R3HCC1L: variants seen among roughly 807,000 people sequenced by gnomAD.
R3HCC1L encodes the protein coiled-coil domain-containing protein R3HCC1L.
In R3HCC1L, 51 loss-of-function variants were observed where a neutral mutation model predicts 59.9. The ratio of observed to expected loss-of-function variants is 0.85; its 90% confidence interval spans 0.68 to 1.07. The LOEUF is 1.07. R3HCC1L is among the 50% of genes least tolerant of loss of function. The pLI is 0.00. For missense variants in R3HCC1L, 965 were observed against 933.0 expected (o/e 1.03, Z -0.45); for synonymous variants, 322 against 315.2 (o/e 1.02, Z -0.23).
intron 5 of R3HCC1L, among the ~76,000 whole-genome samples, chr10:98,216,004 G>T (rs1854155603): frequency 6.6e-6 from 1 of 152,148 alleles, no homozygotes; most frequent in African/African-American, 2.4e-5. Context: ...CAGGTTGTGA[G>T]AACAGCTTGT....
chr10:98,182,737 C>T (rs1043120070), intron 4 of R3HCC1L, among the ~76,000 whole-genome samples: 5 of 152,160 alleles, frequency 3.3e-5, no homozygotes, highest in Middle Eastern at 3.2e-3. Context: ...CCTCAAGCCT[C>T]GGCAATGGTG....
chr10:98,199,240 A>G (rs1211039017), intron 4 of R3HCC1L, among the ~76,000 whole-genome samples: 2 of 152,036 alleles, frequency 1.3e-5, no homozygotes, highest in Non-Finnish European at 2.9e-5. Context: ...TCTTTCCAAC[A>G]TCGAGTAATT....
chr10:98,155,122 A>G (rs993231044), intron 1 of R3HCC1L, among the ~76,000 whole-genome samples: 1 of 152,030 alleles, frequency 6.6e-6, no homozygotes, highest in Non-Finnish European at 1.5e-5. Context: ...ATACTCTCCA[A>G]TTTGGTTGTT....
At chr10:98,169,353 A>T (rs984492628) in intron 4 of R3HCC1L, among the ~76,000 whole-genome samples, 1 of 152,232 alleles carries the variant, frequency 6.6e-6, no homozygotes, top group African/African-American at 2.4e-5. Flanking sequence ...ATCTTTAGTT[A>T]TTTAAGCTTC....
intron 4 of R3HCC1L, among the ~76,000 whole-genome samples, chr10:98,175,762 GA>G (rs1238179083): frequency 1.3e-5 from 2 of 152,134 alleles, no homozygotes; most frequent in African/African-American, 4.8e-5. Context: ...TTGAAGAGCA[GA>G]AGTTTGAATT....
At chr10:98,163,453 G>T (rs1590484873) in intron 4 of R3HCC1L, 56 bp downstream of exon 4, 4 of 1,087,036 alleles carry the variant, frequency 3.7e-6, no homozygotes, top group African/African-American at 3.2e-5. Flanking sequence ...TTACTCTAAA[G>T]ATTTGTTTGC....
intron 5 of R3HCC1L, among the ~76,000 whole-genome samples, chr10:98,212,821 C>T (rs1179569975): frequency 6.6e-6 from 1 of 152,124 alleles, no homozygotes; most frequent in Admixed American, 6.6e-5. Context: ...ATTGTCATTT[C>T]TGGCACTGAT....
chr10:98,240,581 C>T (rs1857424005), intron 9 of R3HCC1L, among the ~76,000 whole-genome samples: 1 of 152,250 alleles, frequency 6.6e-6, no homozygotes, highest in Admixed American at 6.5e-5. Flanking sequence ...GTAGCCCGCT[C>T]ACCTAGTTTG....
intron 4 of R3HCC1L, among the ~76,000 whole-genome samples, chr10:98,173,811 A>T (rs1239722358): frequency 6.6e-6 from 1 of 151,994 alleles, no homozygotes; most frequent in African/African-American, 2.4e-5. Context: ...ATGCATATTT[A>T]TTGGGGCATG....
chr10:98,139,494 CCTT>C (rs1307591010), intron 1 of R3HCC1L, among the ~76,000 whole-genome samples: 7 of 152,182 alleles, frequency 4.6e-5, no homozygotes, highest in African/African-American at 1.4e-4. Flanking sequence ...AGAGTACCCT[CCTT>C]CTGTTGTGCT....
intron 1 of R3HCC1L, among the ~76,000 whole-genome samples, chr10:98,151,436 C>T (rs1261280120): frequency 1.3e-5 from 2 of 152,168 alleles, no homozygotes; most frequent in Non-Finnish European, 2.9e-5. Context: ...AGAACAGTGG[C>T]TGGCAAATAC....
intron 4 of R3HCC1L, among the ~76,000 whole-genome samples, chr10:98,207,824 C>T (rs1041394050): frequency 6.6e-6 from 1 of 151,914 alleles, no homozygotes; most frequent in Non-Finnish European, 1.5e-5. Flanking sequence ...GCCTAGGCAA[C>T]ATGATGAAAC....
At chr10:98,215,974 C>A (rs1232222064) in intron 5 of R3HCC1L, among the ~76,000 whole-genome samples, 1 of 152,088 alleles carries the variant, frequency 6.6e-6, no homozygotes, top group African/African-American at 2.4e-5. Flanking sequence ...GAAGACAGAA[C>A]ATGAGCAGAA....
intron 5 of R3HCC1L, among the ~76,000 whole-genome samples, chr10:98,226,967 C>T (rs1046931252): frequency 5.3e-5 from 8 of 152,214 alleles, no homozygotes; most frequent in Non-Finnish European, 1.0e-4. Flanking sequence ...CTTACAAACT[C>T]AGCTCTCTGG....
At chr10:98,138,506 C>G (rs1349293086) in intron 1 of R3HCC1L, among the ~76,000 whole-genome samples, 1 of 151,670 alleles carries the variant, frequency 6.6e-6, no homozygotes, top group African/African-American at 2.4e-5. Context: ...GCCTGGGCAA[C>G]AAAGTGAGAC....
At chr10:98,208,024 C>T (rs1388753346) in intron 4 of R3HCC1L, 77 bp from the exon 5 acceptor site, 1 of 1,370,120 alleles carries the variant, frequency 7.3e-7, no homozygotes, top group Non-Finnish European at 9.7e-7. Flanking sequence ...GACTCTGTCC[C>T]AAAAAGAAAA....
At chr10:98,243,992 C>A in intron 9 of R3HCC1L, 99 bp from the exon 10 acceptor site, 1 of 998,264 alleles carries the variant, frequency 1.0e-6, no homozygotes, top group South Asian at 1.3e-5. Flanking sequence ...AGGATATCCA[C>A]TTGTCTCATG....
At chr10:98,181,223 C>A (rs1453329689) in intron 4 of R3HCC1L, among the ~76,000 whole-genome samples, 5 of 152,130 alleles carry the variant, frequency 3.3e-5, no homozygotes, top group Non-Finnish European at 7.3e-5. Flanking sequence ...TAAGGCAGGC[C>A]TGGTGGTGAC....
In R3HCC1L at chr10:98,209,240, T is replaced by TGATG; in HGVS notation, c.1127_1128insATGG (p.Cys376Ter). ...TGTAGGTGACATTACCAATAAAGCATGTATGATGGACACTACAGGTATGTC... is the reference window on the plus strand; with the variant it reads ...TGTAGGTGACATTACCAATAAAGCATGATGGTATGATGGACACTACAGGTATGTC... On this transcript the variant is annotated stop_gained and frameshift_variant, in exon 5 of 10. Transcript: ENST00000298999. LOFTEE classifies it high-confidence loss of function. The TGATG allele has an allele frequency of 6.2e-7, 1 of 1,613,872 alleles. No homozygotes were observed. Among genetic ancestry groups the TGATG allele is most frequent in the South Asian group, 1.1e-5 (1 of 91,076 alleles).
Sources: gnomAD v4.1 joint callset for allele counts (sites outside exome capture counted in the v4.1 genomes callset) on GRCh38, gnomAD v4.1.1 for gene constraint, MANE v1.5 for transcripts, NCBI Gene and HGNC (gene_info 2026-07-23, HGNC 2026-07-21) for gene names.